RNF216: variants seen among roughly 807,000 people sequenced by gnomAD.
RNF216 encodes ring finger protein 216.
A neutral mutation model predicts 110.8 loss-of-function variants in RNF216; 72 were observed. That is an observed-to-expected ratio of 0.65 (90% CI 0.54 to 0.79). The LOEUF (loss-of-function observed/expected upper bound fraction) is 0.79, where lower values mean the gene tolerates loss of function less well. RNF216 is among the 30% of genes least tolerant of loss of function. The pLI is 0.00. For synonymous variants in RNF216, 495 were observed against 407.5 expected, an observed-to-expected ratio of 1.21 and a Z score of -2.59; for missense variants, 1,342 against 1,141.2, an observed-to-expected ratio of 1.18 and a Z score of -2.54.
At chr7:5,718,856 C>A (rs933972881) in intron 9 of RNF216, among the ~76,000 whole-genome samples, 2 of 152,228 alleles carry the variant, frequency 1.3e-5, no homozygotes, top group South Asian at 2.1e-4. Context: ...CCCACCCGGC[C>A]AAACTTAAGT....
At chr7:5,754,313 G>T (rs1223800682) in intron 2 of RNF216, among the ~76,000 whole-genome samples, 2 of 151,792 alleles carry the variant, frequency 1.3e-5, no homozygotes, top group Non-Finnish European at 1.5e-5. Context: ...ACACTACTTT[G>T]AACAGTTACT....
At chr7:5,742,888 G>A (rs919011628) in intron 3 of RNF216, among the ~76,000 whole-genome samples, 7 of 152,018 alleles carry the variant, frequency 4.6e-5, no homozygotes, top group African/African-American at 1.4e-4. Context: ...GGGGCACCGC[G>A]CTTGGCCGAT....
At chr7:5,642,341 G>A (rs547254318) in intron 14 of RNF216, among the ~76,000 whole-genome samples, 3 of 151,910 alleles carry the variant, frequency 2.0e-5, no homozygotes, top group South Asian at 4.1e-4. Flanking sequence ...AGTCTCCCAA[G>A]TAGCTGGGAT....
At chr7:5,628,459 T>A (rs1786852512) in intron 15 of RNF216, among the ~76,000 whole-genome samples, 1 of 152,192 alleles carries the variant, frequency 6.6e-6, no homozygotes, top group South Asian at 2.1e-4. Context: ...ACTTAAAAGT[T>A]TTTTTTCTTT....
chr7:5,779,263 T>A (rs1796943198), intron 1 of RNF216, among the ~76,000 whole-genome samples: 2 of 152,254 alleles, frequency 1.3e-5, no homozygotes, highest in South Asian at 4.1e-4. Context: ...ATCAGATTTC[T>A]CCACAGGGGC....
At chr7:5,641,094 C>A in intron 15 of RNF216, 60 bp downstream of exon 15, 2 of 1,318,844 alleles carry the variant, frequency 1.5e-6, no homozygotes, top group South Asian at 1.3e-5. Context: ...AAATATTTGT[C>A]ATAAAAATAT....
intron 3 of RNF216, among the ~76,000 whole-genome samples, chr7:5,751,827 T>TAA (rs3075700): frequency 1.9e-4 from 7 of 37,296 alleles, no homozygotes; most frequent in Non-Finnish European, 3.0e-4. Flanking sequence ...ATCTTTAAAC[T>TAA]AAAAAAAAAA....
At chr7:5,781,388 C>CCGGGCCT in intron 1 of RNF216, among the ~76,000 whole-genome samples, 153 bp downstream of exon 1, 1 of 152,062 alleles carries the variant, frequency 6.6e-6, no homozygotes, top group East Asian at 1.9e-4. Context: ...CCGATCCCGC[C>CCGGGCCT]CGGGCCTCGG....
intron 15 of RNF216, among the ~76,000 whole-genome samples, chr7:5,633,682 C>A: frequency 6.6e-6 from 1 of 152,220 alleles, no homozygotes; most frequent in Middle Eastern, 3.4e-3. Flanking sequence ...CTCAGCAGGG[C>A]GCAGAAAGAA....
At chr7:5,740,801 T>C (rs1383577948) in intron 4 of RNF216, among the ~76,000 whole-genome samples, 172 bp downstream of exon 4, 1 of 152,090 alleles carries the variant, frequency 6.6e-6, no homozygotes, top group Non-Finnish European at 1.5e-5. Context: ...GGAACCCTGA[T>C]TCCATTTTCA....
At chr7:5,709,392 A>G (rs546061615) in intron 13 of RNF216, among the ~76,000 whole-genome samples, 1 of 152,186 alleles carries the variant, frequency 6.6e-6, no homozygotes, top group Non-Finnish European at 1.5e-5. Flanking sequence ...CTTTGATGCA[A>G]CTGGTTTCTG....
intron 9 of RNF216, among the ~76,000 whole-genome samples, chr7:5,720,042 G>C (rs1214179359): frequency 6.6e-6 from 1 of 152,234 alleles, no homozygotes; most frequent in Non-Finnish European, 1.5e-5. Context: ...TCTTAAAAAT[G>C]TAAGTGCATG....
At position 5,729,616 on chromosome 7, in the gene RNF216, T is replaced by A. The variant is rs1219544584; in HGVS notation, c.1225-20A>T. 6.2e-7 allele frequency: 1 copy of A among 1,606,866 alleles called. No homozygotes were observed. Among genetic ancestry groups the A allele is most frequent in the Non-Finnish European group, 8.5e-7 (1 of 1,173,928 alleles). On this transcript the variant is annotated intron_variant, in intron 6 of 16. Coordinates refer to ENST00000389902, the MANE Select transcript of RNF216 (RefSeq NM_207111.4). ...AGGCAACTGAAATGAGAGAGAAGCA[T>A]AAAATCAGAGGCCAGGCAGTACATT...
chr7:5,671,559 C>G (rs1789911418), intron 13 of RNF216, among the ~76,000 whole-genome samples: 1 of 152,110 alleles, frequency 6.6e-6, no homozygotes, highest in Admixed American at 6.5e-5. Context: ...AATCCCAGTA[C>G]TTTGGGAGGC....
chr7:5,651,681 G>A (rs891005834), intron 14 of RNF216, among the ~76,000 whole-genome samples: 3 of 150,988 alleles, frequency 2.0e-5, no homozygotes, highest in African/African-American at 2.4e-5. Context: ...ACGGAGTCTC[G>A]CTCTGTTGGC....
intron 13 of RNF216, among the ~76,000 whole-genome samples, chr7:5,668,176 CAT>C (rs529501064): frequency 6.5e-4 from 99 of 151,872 alleles, no homozygotes; most frequent in African/African-American, 2.3e-3. Context: ...TAGTTTTTCA[CAT>C]TCTCATAAAA....
Position 5,752,975 on chromosome 7 carries a change from C to A in RNF216, c.72G>T (p.Trp24Cys). The A allele has an allele frequency of 6.2e-7, 1 of 1,610,676 alleles. No homozygotes were observed. The highest frequency in any genetic ancestry group is 8.5e-7 in the Non-Finnish European group (1 of 1,178,644). Residue 24 changes from tryptophan to cysteine, a missense_variant, in exon 3 of 17, where the codon TGG (tryptophan) becomes TGT (cysteine). By Grantham distance (215) the Trp-to-Cys change is radical. Coordinates refer to ENST00000389902, the MANE Select transcript of RNF216 (RefSeq NM_207111.4). ...TGATGGGCCCATCTCGGAGATTGAT[C>A]CACTCTACAGGAAAGCAGAGAACAC... ...NNFHCHRGQEWINLRDGPITI... is the reference protein window; with the variant it reads ...NNFHCHRGQECINLRDGPITI...
chr7:5,759,221 G>T (rs1795801298), intron 2 of RNF216, among the ~76,000 whole-genome samples: 1 of 152,150 alleles, frequency 6.6e-6, no homozygotes, highest in African/African-American at 2.4e-5. Context: ...CCCAGAAGCA[G>T]AGGCCGCTAT....
In RNF216 at chr7:5,620,937, T is replaced by C. The variant is rs1584318864; in HGVS notation, c.*1923A>G. ...TCCCTGGGGAAGCACAGGGAGCATATTTAAGGTACCGAAGACAATCCTGTT... is the reference window on the plus strand; with the variant it reads ...TCCCTGGGGAAGCACAGGGAGCATACTTAAGGTACCGAAGACAATCCTGTT... On this transcript the variant is annotated 3_prime_UTR_variant, in exon 17 of 17. Transcript: ENST00000389902. 6.6e-6 allele frequency: 1 copy of C among 152,186 alleles called. No individual in the cohort carries two copies. Among genetic ancestry groups the C allele is most frequent in the South Asian group, 2.1e-4 (1 of 4,828 alleles). 9.4% of individuals were successfully genotyped at this position (152,186 alleles called of 1,614,324 possible). A position where few individuals can be genotyped will look rare whatever the true frequency, so the allele number is the denominator to read the frequency against.
Sources: allele counts gnomAD v4.1 joint callset (sites outside exome capture counted in the v4.1 genomes callset), GRCh38; gene constraint gnomAD v4.1.1; transcripts MANE v1.5; gene names NCBI Gene and HGNC (gene_info 2026-07-23, HGNC 2026-07-21).